The following PCLO variants were observed in gnomAD, a reference collection of about 807,000 sequenced individuals.
PCLO encodes piccolo presynaptic cytomatrix protein, also known as protein piccolo.
Under a neutral mutation model 427.5 loss-of-function variants are expected in PCLO, and 82 were observed. That is an observed-to-expected ratio of 0.19 (90% confidence interval 0.16 to 0.23). The LOEUF is 0.23. Ranked by LOEUF, PCLO falls within the 10% of genes least tolerant of loss-of-function variation. The pLI, the probability that PCLO is intolerant of heterozygous loss-of-function variation, is 1.00. For missense variants in PCLO, 6,239 were observed against 6,115.9 expected, an observed-to-expected ratio of 1.02 and a Z score of -0.67; for synonymous variants, 2,357 against 2,155.4, an observed-to-expected ratio of 1.09 and a Z score of -2.59.
intron 3 of PCLO, among the ~76,000 whole-genome samples, chr7:83,101,720 A>T (rs1046424068): frequency 2.6e-5 from 4 of 152,136 alleles, no homozygotes; most frequent in Non-Finnish European, 4.4e-5. Flanking sequence ...GTTGCTTCTA[A>T]GAATAAATCT....
chr7:82,931,825 C>T (rs2116341574), intron 6 of PCLO, among the ~76,000 whole-genome samples: 1 of 152,124 alleles, frequency 6.6e-6, no homozygotes, highest in African/African-American at 2.4e-5. Flanking sequence ...TTAAGTCCAG[C>T]CCTCACTTAA....
intron 20 of PCLO, chr7:82,821,778 A>G (rs2115639545): frequency 1.0e-6 from 1 of 982,664 alleles, no homozygotes; most frequent in Non-Finnish European, 1.2e-6. Context: ...AATGGACCCA[A>G]TTGTGCTCCT....
At position 82,955,357 on chromosome 7, in the gene PCLO, C is replaced by T. The variant is rs757856534; in HGVS notation, c.5596G>A (p.Asp1866Asn). ...CSEYSPSIES[D>N]PEGFEISPEK... ...GGGCTTATTTCAAAACCTTCTGGGT[C>T]TGACTCTATGCTAGGTGAATATTCA... Residue 1866 changes from aspartate to asparagine, a missense_variant, in exon 5 of 25, where the codon GAC becomes AAC. By Grantham distance (23) the Asp-to-Asn change is conservative. Transcript: ENST00000333891. 6.2e-7 allele frequency: 1 copy of T among 1,613,772 alleles called. No homozygotes were observed. The highest frequency in any genetic ancestry group is 1.7e-5 in the Admixed American group (1 of 59,998).
chr7:83,048,208 G>A (rs972895242), intron 3 of PCLO, among the ~76,000 whole-genome samples: 1 of 151,768 alleles, frequency 6.6e-6, no homozygotes, highest in Non-Finnish European at 1.5e-5. Flanking sequence ...GATTGTTATA[G>A]GATTATGGCA....
chr7:83,107,751 G>A (rs1481416593), intron 3 of PCLO, among the ~76,000 whole-genome samples: 1 of 121,756 alleles, frequency 8.2e-6, no homozygotes, highest in African/African-American at 3.0e-5. Context: ...AGCACTTTGG[G>A]AGGCCAAGGG....
Position 82,953,267 on chromosome 7 carries a change from G to C in PCLO, c.7686C>G (p.Ser2562=), listed in dbSNP as rs775457422. The stretch of plus-strand genomic sequence containing the variant: ...TTGGTGAAGACTTGTTGGAGTGTGG[G>C]GAAAGTGGGGAGGTAGGGGAAGGCA... ...YKLPSPTSPL[S]PHSNKSSPRF... Residue 2562 remains serine, a synonymous_variant, in exon 5 of 25, where the codon TCC becomes TCG. Transcript: ENST00000333891. The C allele has an allele frequency of 1.9e-6, 3 of 1,613,912 alleles. No individual in the cohort carries two copies. The South Asian group carries it at 3.3e-5, about 18-fold the overall frequency.
intron 8 of PCLO, among the ~76,000 whole-genome samples, chr7:82,907,062 A>C (rs1222203199): frequency 1.3e-5 from 2 of 151,976 alleles, no homozygotes; most frequent in Non-Finnish European, 2.9e-5. Context: ...AGTAACATTA[A>C]ATTAGAAACA....
intron 3 of PCLO, among the ~76,000 whole-genome samples, chr7:82,975,545 A>G (rs1795997946): frequency 6.6e-6 from 1 of 152,284 alleles, no homozygotes; most frequent in African/African-American, 2.4e-5. Context: ...ATGTGGTAGA[A>G]CACAGTGCAA....
intron 3 of PCLO, among the ~76,000 whole-genome samples, chr7:83,039,754 A>G (rs185117998): frequency 1.3e-5 from 2 of 152,264 alleles, no homozygotes; most frequent in East Asian, 3.9e-4. Context: ...ATTTTGATAG[A>G]GATTACACTA....
intron 3 of PCLO, among the ~76,000 whole-genome samples, chr7:83,042,857 C>G (rs1376634097): frequency 6.6e-6 from 1 of 152,072 alleles, no homozygotes; most frequent in Non-Finnish European, 1.5e-5. Flanking sequence ...GAGACTCTGT[C>G]TCAAAACAAA....
intron 20 of PCLO, among the ~76,000 whole-genome samples, chr7:82,818,725 C>G (rs1022914047): frequency 6.6e-6 from 1 of 152,098 alleles, no homozygotes; most frequent in Non-Finnish European, 1.5e-5. Context: ...TATCAGCCAG[C>G]CTACCCCTCT....
chr7:82,798,391 C>T (rs955222450), intron 22 of PCLO, among the ~76,000 whole-genome samples: 4 of 151,892 alleles, frequency 2.6e-5, no homozygotes, highest in African/African-American at 7.2e-5. Flanking sequence ...TGTTTTTGTT[C>T]CCCCGCTAAA....
chr7:82,961,323 T>C (rs1289105852), intron 4 of PCLO, among the ~76,000 whole-genome samples: 2 of 152,150 alleles, frequency 1.3e-5, no homozygotes, highest in Admixed American at 1.3e-4. Flanking sequence ...TCAGTGCACG[T>C]AGAAAAACTG....
intron 3 of PCLO, among the ~76,000 whole-genome samples, chr7:82,984,408 C>CTGTG (rs5885327): frequency 0.067 from 9,110 of 135,836 alleles, 355 homozygotes; most frequent in African/African-American, 0.11. Flanking sequence ...AATGTGGTGT[C>CTGTG]TGTGTGTGTG....
intron 3 of PCLO, among the ~76,000 whole-genome samples, chr7:83,081,155 T>G (rs10954703): frequency 0.28 from 42,728 of 151,768 alleles, 7,080 homozygotes; most frequent in East Asian, 0.56. Context: ...TTAATGTATT[T>G]CCAACATTTT....
chr7:83,046,971 T>G (rs1789119405), intron 3 of PCLO, among the ~76,000 whole-genome samples: 1 of 151,948 alleles, frequency 6.6e-6, no homozygotes, highest in Admixed American at 6.6e-5. Flanking sequence ...TAAAAATAGC[T>G]AATTATTTTT....
chr7:82,926,818 G>C (rs1047318146), intron 6 of PCLO, among the ~76,000 whole-genome samples: 2 of 152,082 alleles, frequency 1.3e-5, no homozygotes, highest in Non-Finnish European at 2.9e-5. Flanking sequence ...TATTTTGGAA[G>C]GCCCTTTCAA....
chr7:82,907,110 T>A (rs1721731456), intron 8 of PCLO, among the ~76,000 whole-genome samples: 1 of 151,956 alleles, frequency 6.6e-6, no homozygotes, highest in South Asian at 2.1e-4. Flanking sequence ...CATTTACATA[T>A]TTTTGGGCTG....
chr7:82,860,484 A>G (rs1792924776), intron 10 of PCLO, among the ~76,000 whole-genome samples: 1 of 152,114 alleles, frequency 6.6e-6, no homozygotes, highest in South Asian at 2.1e-4. Context: ...CATGAAGGAG[A>G]AATAAATACT....
Sources: gnomAD v4.1 joint callset for allele counts (sites outside exome capture counted in the v4.1 genomes callset) on GRCh38, gnomAD v4.1.1 for gene constraint, MANE v1.5 for transcripts, NCBI Gene and HGNC (gene_info 2026-07-23, HGNC 2026-07-21) for gene names.